KCNN2: variants seen among roughly 807,000 people sequenced by gnomAD.
The protein encoded by KCNN2 is small conductance calcium-activated potassium channel protein 2.
Under a neutral mutation model 55.5 loss-of-function variants are expected in KCNN2, and 24 were observed. That is an observed-to-expected ratio of 0.43 (90% CI 0.31 to 0.61). The LOEUF (loss-of-function observed/expected upper bound fraction) is 0.61. Ranked by LOEUF, KCNN2 falls within the 20% of genes least tolerant of loss-of-function variation. KCNN2 has a pLI of 0.08. For synonymous variants in KCNN2, 431 were observed against 336.1 expected (o/e 1.28, Z -3.09); for missense variants, 754 against 853.6 (o/e 0.88, Z 1.45).
intron 2 of KCNN2, among the ~76,000 whole-genome samples, chr5:114,381,115 G>A (rs1758111929): frequency 6.6e-6 from 1 of 152,184 alleles, no homozygotes; most frequent in Non-Finnish European, 1.5e-5. Flanking sequence ...TCTTAGAGGA[G>A]GTGGTATGGC....
chr5:114,210,401 C>A (rs1753858855), intron 1 of KCNN2, among the ~76,000 whole-genome samples: 1 of 152,064 alleles, frequency 6.6e-6, no homozygotes, highest in African/African-American at 2.4e-5. Flanking sequence ...CCCTGTATTT[C>A]CCCTAGAAGC....
At chr5:114,478,599 CA>C (rs1443566232) in intron 5 of KCNN2, among the ~76,000 whole-genome samples, 6 of 151,946 alleles carry the variant, frequency 3.9e-5, no homozygotes, top group African/African-American at 1.2e-4. Flanking sequence ...ACAAAATCAT[CA>C]GATTCTCCAA....
rs1481557874 is a variant in KCNN2, at chr5:114,387,797, A to G, written c.1219-16641A>G. On this transcript the variant is annotated intron_variant, in intron 2 of 7. Coordinates refer to ENST00000673685, the MANE Select transcript of KCNN2 (RefSeq NM_021614.4). ...GAGACTAGACTCTCTGACATTTCAG[A>G]GATGTTCATTCTCAGAGGCTTTCTA... Among the ~76,000 whole-genome samples the G allele has an allele frequency of 1.4e-4, 22 of 152,214 alleles. 1 individual carries two copies. The highest frequency in any genetic ancestry group is 1.5e-5 in the Non-Finnish European group (1 of 68,042).
intron 2 of KCNN2, among the ~76,000 whole-genome samples, chr5:114,318,547 TTATCATAACAATGATAA>T (rs1184112738): frequency 6.6e-6 from 1 of 151,678 alleles, no homozygotes; most frequent in African/African-American, 2.4e-5. Flanking sequence ...AATCATACAC[TTATCATAACAATGATAA>T]TATCATAATG....
intron 5 of KCNN2, among the ~76,000 whole-genome samples, chr5:114,483,756 T>C (rs1381059795): frequency 6.6e-6 from 1 of 151,860 alleles, no homozygotes; most frequent in African/African-American, 2.4e-5. Flanking sequence ...AAGATGTTCC[T>C]GTTAACAAAG....
chr5:114,189,630 G>C (rs1383857800), intron 1 of KCNN2, among the ~76,000 whole-genome samples: 1 of 152,134 alleles, frequency 6.6e-6, no homozygotes, highest in South Asian at 2.1e-4. Context: ...CTATATATCA[G>C]GCACTATTCC....
At chr5:114,095,899 T>G (rs1371703326) in intron 1 of KCNN2, among the ~76,000 whole-genome samples, 3 of 152,206 alleles carry the variant, frequency 2.0e-5, no homozygotes, top group Non-Finnish European at 4.4e-5. Flanking sequence ...CCAGGATATT[T>G]AAGTTTACAT....
Position 114,362,405 on chromosome 5 carries a change from T to A in KCNN2, c.266T>A (p.Leu89Gln), listed in dbSNP as rs1399754695. The change falls in exon 1 of 8, where the codon CTG (leucine) becomes CAG (glutamine). Residue 89 changes from leucine to glutamine, a missense_variant. Physicochemically the swap from Leu to Gln is moderately radical, Grantham distance 113 (BLOSUM62 -2). Transcript: ENST00000673685. ...AAGAGDNLSL[L>Q]LRTSSPGGAF... ...GGGGCGGGAGATAACCTGTCCCTGC[T>A]GCTCCGCACCTCCTCGCCCGGCGGC... The A allele has an allele frequency of 7.1e-6, 2 of 281,502 alleles. No homozygotes were observed. The highest frequency in any genetic ancestry group is 1.3e-5 in the Non-Finnish European group (2 of 150,646). The allele number at this position is 281,502 out of a possible 1,614,324, so 17.4% of individuals were successfully genotyped here. A position where few individuals can be genotyped will look rare whatever the true frequency, so the allele number is the denominator to read the frequency against.
intron 2 of KCNN2, among the ~76,000 whole-genome samples, chr5:114,275,733 A>G (rs1755474182): frequency 6.6e-6 from 1 of 151,060 alleles, no homozygotes; most frequent in Non-Finnish European, 1.5e-5. Flanking sequence ...TTTCTTCTTT[A>G]TTAGTCTTCC....
intron 2 of KCNN2, among the ~76,000 whole-genome samples, chr5:114,264,412 T>C (rs540586824): frequency 6.6e-6 from 1 of 152,324 alleles, no homozygotes; most frequent in South Asian, 2.1e-4. Flanking sequence ...AGTCTCTTTA[T>C]ATAAAACAGA....
intron 2 of KCNN2, among the ~76,000 whole-genome samples, chr5:114,381,958 T>G (rs1375205748): frequency 6.6e-6 from 1 of 152,174 alleles, no homozygotes; most frequent in Non-Finnish European, 1.5e-5. Flanking sequence ...ACCTGTCTGT[T>G]GATGGTTCAG....
intron 4 of KCNN2, among the ~76,000 whole-genome samples, chr5:114,467,430 C>T (rs1761504565): frequency 6.6e-6 from 1 of 152,168 alleles, no homozygotes; most frequent in Admixed American, 6.5e-5. Flanking sequence ...AAATGTCTTA[C>T]ACAATTTGAC....
intron 1 of KCNN2, among the ~76,000 whole-genome samples, chr5:114,124,328 T>A (rs1162619588): frequency 6.6e-6 from 1 of 152,160 alleles, no homozygotes; most frequent in Non-Finnish European, 1.5e-5. Context: ...TCTTCAGAGA[T>A]CTAGAAAGGA....
chr5:114,130,465 G>C (rs565702443), intron 1 of KCNN2, among the ~76,000 whole-genome samples: 1 of 152,314 alleles, frequency 6.6e-6, no homozygotes, highest in African/African-American at 2.4e-5. Context: ...ATAGGATCCA[G>C]ATTTCTCTTG....
chr5:114,379,796 A>C (rs1275582009), intron 2 of KCNN2, among the ~76,000 whole-genome samples: 8 of 143,026 alleles, frequency 5.6e-5, no homozygotes, highest in African/African-American at 2.0e-4. Context: ...TATTTATAGA[A>C]TATATTATAT....
intron 2 of KCNN2, among the ~76,000 whole-genome samples, chr5:114,335,077 C>A (rs990690786): frequency 6.6e-6 from 1 of 152,166 alleles, no homozygotes; most frequent in Non-Finnish European, 1.5e-5. Context: ...GCGCCCGCCT[C>A]CACGCCCGGC....
At chr5:114,069,646 A>G (rs1389330853) in intron 1 of KCNN2, among the ~76,000 whole-genome samples, 1 of 152,222 alleles carries the variant, frequency 6.6e-6, no homozygotes, top group East Asian at 1.9e-4. Flanking sequence ...CAAAGTTAAT[A>G]AAGCTTGTTC....
At chr5:114,340,722 CA>C (rs1757001562) in intron 2 of KCNN2, among the ~76,000 whole-genome samples, 1 of 151,924 alleles carries the variant, frequency 6.6e-6, no homozygotes, top group Non-Finnish European at 1.5e-5. Flanking sequence ...ACTCTCTTAG[CA>C]AACTTCAAGT....
chr5:114,412,924 C>T (rs1016580320), intron 3 of KCNN2, among the ~76,000 whole-genome samples: 1 of 152,162 alleles, frequency 6.6e-6, no homozygotes, highest in African/African-American at 2.4e-5. Flanking sequence ...GAAGATTCAG[C>T]TGTTGCCAAG....
Sources: gnomAD v4.1 joint callset for allele counts (sites outside exome capture counted in the v4.1 genomes callset) on GRCh38, gnomAD v4.1.1 for gene constraint, MANE v1.5 for transcripts, NCBI Gene and HGNC (gene_info 2026-07-23, HGNC 2026-07-21) for gene names.